ULK4: variants seen among roughly 807,000 people sequenced by gnomAD.
ULK4 encodes inactive serine/threonine-protein kinase ULK4.
ULK4 carries 133 observed loss-of-function variants against 160.6 expected under a neutral mutation model. That is an observed-to-expected ratio of 0.83 (90% CI 0.72 to 0.96). The LOEUF is 0.96. Ranked by LOEUF, ULK4 falls within the 40% of genes least tolerant of loss-of-function variation. The pLI is 0.00. For missense variants in ULK4, 1,580 were observed against 1,499.5 expected, an observed-to-expected ratio of 1.05 and a Z score of -0.89; for synonymous variants, 534 against 539.8, an observed-to-expected ratio of 0.99 and a Z score of 0.15.
chr3:41,580,055 C>T (rs2030157656), intron 31 of ULK4, among the ~76,000 whole-genome samples: 1 of 152,186 alleles, frequency 6.6e-6, no homozygotes, highest in Admixed American at 6.5e-5. Context: ...ACTCAAAGTA[C>T]ACAGAGTAAC....
chr3:41,831,999 G>T (rs1300082635), intron 18 of ULK4, among the ~76,000 whole-genome samples: 1 of 152,030 alleles, frequency 6.6e-6, no homozygotes, highest in East Asian at 1.9e-4. Flanking sequence ...AAATAGTGCT[G>T]CAATAAACAT....
At chr3:41,286,240 G>C (rs756346304) in intron 35 of ULK4, among the ~76,000 whole-genome samples, 1 of 152,092 alleles carries the variant, frequency 6.6e-6, no homozygotes, top group Non-Finnish European at 1.5e-5. Flanking sequence ...TTACCTTCTT[G>C]AATCTTTGTA....
At chr3:41,469,635 A>G (rs897823714) in intron 32 of ULK4, among the ~76,000 whole-genome samples, 10 of 149,178 alleles carry the variant, frequency 6.7e-5, no homozygotes, top group Non-Finnish European at 1.5e-4. Context: ...AAACACCTTA[A>G]AAGCCTAAAA....
rs985410544 is a variant in ULK4 at position 41,246,632 on chromosome 3, C to T, written c.*297G>A. On this transcript the variant is annotated 3_prime_UTR_variant, in exon 37 of 37. Coordinates refer to ENST00000301831, the MANE Select transcript of ULK4 (RefSeq NM_017886.4). ...GCATCCACTGCTTTATTACCACAGG[C>T]AGTGCTAACCTTAGCCCACCTGGCC... The T allele has an allele frequency of 9.0e-6, 3 of 332,910 alleles. No individual in the cohort carries two copies. Among genetic ancestry groups the T allele is most frequent in the Non-Finnish European group, 1.7e-5 (3 of 178,018 alleles). The allele number at this position is 332,910 out of a possible 1,614,324, so 20.6% of individuals were successfully genotyped here.
chr3:41,721,333 A>AATATATATATATAT (rs71075483), intron 22 of ULK4, among the ~76,000 whole-genome samples: 9 of 26,952 alleles, frequency 3.3e-4, no homozygotes, highest in Middle Eastern at 0.036. Flanking sequence ...TTTTAATGTA[A>AATATATATATATAT]ATATATATAT....
At chr3:41,508,748 G>A (rs1439575259) in intron 32 of ULK4, among the ~76,000 whole-genome samples, 1 of 152,146 alleles carries the variant, frequency 6.6e-6, no homozygotes, top group Non-Finnish European at 1.5e-5. Context: ...TGGCTCTCAG[G>A]AGGCCCCATC....
chr3:41,930,414 A>T (rs1486491955), intron 5 of ULK4, among the ~76,000 whole-genome samples: 3 of 152,244 alleles, frequency 2.0e-5, no homozygotes, highest in Non-Finnish European at 4.4e-5. Context: ...AATACCATTC[A>T]GGATATAGGC....
chr3:41,250,202 T>C (rs1176969209), intron 35 of ULK4, among the ~76,000 whole-genome samples: 2 of 152,144 alleles, frequency 1.3e-5, no homozygotes, highest in Non-Finnish European at 2.9e-5. Flanking sequence ...CCCACAATTC[T>C]AGACCCACCC....
chr3:41,376,435 T>C (rs1305948285), intron 35 of ULK4, among the ~76,000 whole-genome samples: 3 of 150,176 alleles, frequency 2.0e-5, no homozygotes, highest in Non-Finnish European at 2.9e-5. Flanking sequence ...AATCAAATTG[T>C]CCCTCTTTGC....
chr3:41,669,379 C>G (rs747347666), intron 29 of ULK4, among the ~76,000 whole-genome samples: 1 of 152,090 alleles, frequency 6.6e-6, no homozygotes, highest in African/African-American at 2.4e-5. Context: ...GGTCCCTCCC[C>G]ACTCCCACCC....
At chr3:41,290,441 G>T (rs755619030) in intron 35 of ULK4, among the ~76,000 whole-genome samples, 5 of 152,128 alleles carry the variant, frequency 3.3e-5, no homozygotes, top group Admixed American at 6.5e-5. Context: ...GCTGGAATTT[G>T]AACCCTCAGT....
At position 41,771,565 on chromosome 3, in the gene ULK4, T is replaced by A. The variant is rs563569719; in HGVS notation, c.2194-17077A>T. On this transcript the variant is annotated intron_variant, in intron 21 of 36. Coordinates refer to ENST00000301831, the MANE Select transcript of ULK4 (RefSeq NM_017886.4). ...CACTTCCAACAACAACAAAAAATCATGAATATCTGTGAGATGTTACAATGC... is the reference window on the plus strand; with the variant it reads ...CACTTCCAACAACAACAAAAAATCAAGAATATCTGTGAGATGTTACAATGC... Among the ~76,000 whole-genome samples the A allele has an allele frequency of 6.6e-5, 10 of 152,256 alleles. No homozygotes were observed. The East Asian group carries it at 1.5e-3, about 24-fold the overall frequency.
chr3:41,349,351 A>T (rs1444921408), intron 35 of ULK4, among the ~76,000 whole-genome samples: 1 of 152,152 alleles, frequency 6.6e-6, no homozygotes, highest in African/African-American at 2.4e-5. Context: ...ATATGATCAG[A>T]AACAGCAGGT....
At chr3:41,659,995 AAG>A (rs1365821863) in intron 30 of ULK4, among the ~76,000 whole-genome samples, 1 of 152,196 alleles carries the variant, frequency 6.6e-6, no homozygotes, top group Non-Finnish European at 1.5e-5. Flanking sequence ...TTGTGTATAA[AAG>A]AAACAAAAGA....
At chr3:41,474,189 G>A (rs1490840877) in intron 32 of ULK4, among the ~76,000 whole-genome samples, 1 of 152,046 alleles carries the variant, frequency 6.6e-6, no homozygotes, top group Admixed American at 6.5e-5. Flanking sequence ...AGAATAGAGA[G>A]CCCAGAAATG....
intron 29 of ULK4, among the ~76,000 whole-genome samples, chr3:41,672,552 T>C (rs920439124): frequency 4.6e-5 from 7 of 152,016 alleles, no homozygotes; most frequent in Non-Finnish European, 7.4e-5. Flanking sequence ...GGAGGATGTA[T>C]AGGTAGAGTG....
chr3:41,897,714 T>C (rs1309013749), intron 14 of ULK4, among the ~76,000 whole-genome samples: 7 of 152,226 alleles, frequency 4.6e-5, no homozygotes, highest in Non-Finnish European at 7.3e-5. Flanking sequence ...AACGTCCTTC[T>C]ACACAGTTTC....
At chr3:41,434,770 T>C (rs1213404765) in intron 34 of ULK4, among the ~76,000 whole-genome samples, 3 of 152,202 alleles carry the variant, frequency 2.0e-5, no homozygotes, top group African/African-American at 7.2e-5. Flanking sequence ...AGCATATAAA[T>C]ATATTTTTTA....
At chr3:41,942,364 C>T (rs1239362522) in intron 2 of ULK4, among the ~76,000 whole-genome samples, 1 of 151,814 alleles carries the variant, frequency 6.6e-6, no homozygotes, top group Non-Finnish European at 1.5e-5. Context: ...ATAAAAAATA[C>T]AAAAATTAGG....
Sources: allele counts gnomAD v4.1 joint callset (sites outside exome capture counted in the v4.1 genomes callset), GRCh38; gene constraint gnomAD v4.1.1; transcripts MANE v1.5; gene names NCBI Gene and HGNC (gene_info 2026-07-23, HGNC 2026-07-21).